The following HSD17B8 variants were observed in gnomAD, a reference collection of about 807,000 sequenced individuals.
The protein encoded by HSD17B8 is (3R)-3-hydroxyacyl-CoA dehydrogenase.
Under a neutral mutation model 33.2 loss-of-function variants are expected in HSD17B8, and 23 were observed. That is an observed-to-expected ratio of 0.69 (90% CI 0.50 to 0.98). The LOEUF is 0.98. Ranked by LOEUF, HSD17B8 falls within the 50% of genes least tolerant of loss-of-function variation. The probability of loss-of-function intolerance (pLI) is 0.00; values close to 1 mark genes in which losing one functional copy is unlikely to be tolerated. For synonymous variants in HSD17B8, 137 were observed against 138.6 expected (o/e 0.99, Z 0.08); for missense variants, 345 against 347.5 (o/e 0.99, Z 0.06).
Position 33,206,508 on chromosome 6 carries a change from A to G in HSD17B8, c.769+59A>G. ...GAAGTAGAACCCAGACTATATGAGA[A>G]AGCAAGTAAGGGGAGTCTGGAGCCA... On this transcript the variant is annotated intron_variant, in intron 8 of 8. Coordinates refer to ENST00000374662, the MANE Select transcript of HSD17B8 (RefSeq NM_014234.5). This position sits in a 1 kb window ranked among gnomAD's most constrained non-coding sequence, Gnocchi z 6.2. The G allele has an allele frequency of 6.4e-7, 1 of 1,570,318 alleles. No individual in the cohort carries two copies. The highest frequency in any genetic ancestry group is 8.8e-7 in the Non-Finnish European group (1 of 1,140,378).
rs772071122 is a variant in HSD17B8, at chr6:33,204,690, C to T, written c.22C>T (p.Arg8Ter). The T allele has an allele frequency of 1.9e-6, 3 of 1,613,030 alleles. No homozygotes were observed. Among genetic ancestry groups the T allele is most frequent in the Non-Finnish European group, 2.5e-6 (3 of 1,180,030 alleles). ...CGCCATGGCGTCTCAGCTCCAGAACCGACTCCGCTCCGCACTGGCCTTGGT... is the reference window on the plus strand; with the variant it reads ...CGCCATGGCGTCTCAGCTCCAGAACTGACTCCGCTCCGCACTGGCCTTGGT... MASQLQNRLRSALALVTG... is the reference protein window; with the variant it reads MASQLQN The change falls in exon 1 of 9, where the codon CGA becomes TGA. Residue 8 changes from arginine (R) to a stop codon, truncating the protein, a stop_gained. Transcript: ENST00000374662. LOFTEE classifies it high-confidence loss of function.
rs1726176600 is a variant in HSD17B8, at chr6:33,206,625, C to T, written c.770-13C>T. On this transcript the variant is annotated splice_polypyrimidine_tract_variant and intron_variant, in intron 8 of 8. Transcript: ENST00000374662. The surrounding 1 kb of genome is among the most constrained non-coding windows in gnomAD (Gnocchi z 6.2). ...CACCCATGCATCTGTCCAAATGTTT[C>T]TGCCCCTCCCAGGAGGTCTTTTCAT... 1 of 1,613,896 alleles carries T rather than the reference C, an allele frequency of 6.2e-7. No homozygotes were observed. The highest frequency in any genetic ancestry group is 8.5e-7 in the Non-Finnish European group (1 of 1,179,814).
rs1428383132 is a variant in HSD17B8, at chr6:33,205,874, C to A, written c.613C>A (p.Pro205Thr). 3.7e-6 allele frequency: 6 copies of A among 1,612,810 alleles called. No individual in the cohort carries two copies. Among genetic ancestry groups the A allele is most frequent in the African/African-American group, 1.3e-5 (1 of 74,894 alleles). Residue 205 changes from proline (P) to threonine (T), a missense_variant, in exon 6 of 9, where the codon CCC (proline) becomes ACC (threonine). Transcript: ENST00000374662. The surrounding 1 kb of genome is among the most constrained non-coding windows in gnomAD (Gnocchi z 5.0). ...TGTCCTCCCAGGGTTCATTGCAACA[C>A]CCATGACACAGAAAGTGCCACAGAA... ...NSVLPGFIAT[P>T]MTQKVPQKVV...
chr6:33,204,764 A>C, intron 1 of HSD17B8, 44 bp downstream of exon 1: 1 of 1,610,168 alleles, frequency 6.2e-7, no homozygotes, highest in South Asian at 1.1e-5. Flanking sequence ...TATTGGAGTG[A>C]GGTCAGGGGC....
In HSD17B8 at chr6:33,204,850, TCCCTGCCCTCTCCTCC is replaced by T. The variant is rs971923248; in HGVS notation, c.53-49_53-34del. On this transcript the variant is annotated intron_variant, in intron 1 of 8. Coordinates refer to ENST00000374662, the MANE Select transcript of HSD17B8 (RefSeq NM_014234.5). The stretch of plus-strand genomic sequence containing the variant: ...TTACTTTCTGCCCTGTGACCTCTGA[TCCCTGCCCTCTCCTCC>T]CCGTGCCCGGTCCGGCGTGTTCTGT... The T allele has an allele frequency of 2.8e-4, 419 of 1,506,036 alleles. 2 individuals carry two copies. In the Middle Eastern group the frequency reaches 0.011, roughly 40 times the overall value. The allele number at this position is 1,506,036 out of a possible 1,614,324, so 93.3% of individuals were successfully genotyped here. A position where few individuals can be genotyped will look rare whatever the true frequency, so the allele number is the denominator to read the frequency against.
chr6:33,205,046 G>A lies in HSD17B8; in HGVS notation c.197G>A (p.Arg66Gln), dbSNP rs753364027. The A allele has an allele frequency of 1.3e-6, 2 of 1,552,056 alleles. No individual in the cohort carries two copies. The highest frequency in any genetic ancestry group is 4.5e-5 in the East Asian group (2 of 44,252). Residue 66 changes from arginine (R) to glutamine (Q), a missense_variant, in exon 2 of 9, where the codon CGA (arginine) becomes CAA (glutamine). Transcript: ENST00000374662. The surrounding 1 kb of genome is among the most constrained non-coding windows in gnomAD (Gnocchi z 5.0). ...CCAGGGAGCAAGGAGGGGCCGCCCC[G>A]AGGGAACCATGCTGCCTTCCAGGCT... Reference protein sequence around the residue: ...GGPGSKEGPPRGNHAAFQADV... With the variant: ...GGPGSKEGPPQGNHAAFQADV...
chr6:33,205,211 C>A lies in HSD17B8; in HGVS notation c.271-10C>A, dbSNP rs756238441. 7.4e-6 allele frequency: 12 copies of A among 1,612,450 alleles called. No homozygotes were observed. The highest frequency in any genetic ancestry group is 1.0e-5 in the Non-Finnish European group (12 of 1,179,356). On this transcript the variant is annotated splice_polypyrimidine_tract_variant and intron_variant, in intron 2 of 8. Transcript: ENST00000374662. The surrounding 1 kb of genome is among the most constrained non-coding windows in gnomAD (Gnocchi z 5.0). ...GGGGGTTTTTGATGCGTAACCTCCC[C>A]CTCCCATAGGCCTGCTTTTCTCGCC... is the stretch of plus-strand genomic sequence containing the variant.
At position 33,206,687 on chromosome 6, in the gene HSD17B8, C is replaced by G. The variant is rs770794469; in HGVS notation, c.*33C>G. ...AAGGACCCTGGACTCTGCTCACCCC[C>G]CCACCACTCTGCCTGGCCTCCTGCT... On this transcript the variant is annotated 3_prime_UTR_variant, in exon 9 of 9. Coordinates refer to ENST00000374662, the MANE Select transcript of HSD17B8 (RefSeq NM_014234.5). This position sits in a 1 kb window ranked among gnomAD's most constrained non-coding sequence, Gnocchi z 6.2. The G allele has an allele frequency of 8.7e-6, 14 of 1,610,884 alleles. No individual in the cohort carries two copies. Among genetic ancestry groups the G allele is most frequent in the East Asian group, 2.2e-5 (1 of 44,872 alleles).
At position 33,205,273 on chromosome 6, in the gene HSD17B8, A is replaced by C. The variant is rs1305744782; in HGVS notation, c.323A>C (p.Gln108Pro). The C allele has an allele frequency of 1.2e-6, 2 of 1,613,272 alleles. No individual in the cohort carries two copies. The highest frequency in any genetic ancestry group is 2.7e-5 in the African/African-American group (2 of 74,924). The stretch of plus-strand genomic sequence containing the variant: ...GTTGTGTCCTGTGCGGGCATCACCC[A>C]GGATGAGTTTCTGCTGCACATGTCT... Reference protein sequence around the residue: ...SVVVSCAGITQDEFLLHMSED... With the variant: ...SVVVSCAGITPDEFLLHMSED... The change falls in exon 3 of 9, where the codon CAG (glutamine) becomes CCG (proline). Residue 108 changes from glutamine to proline, a missense_variant. Transcript: ENST00000374662. This position sits in a 1 kb window ranked among gnomAD's most constrained non-coding sequence, Gnocchi z 5.0.
chr6:33,206,115 CAT>C lies in HSD17B8; in HGVS notation c.652-18_652-17del. The C allele has an allele frequency of 1.9e-6, 3 of 1,610,846 alleles. No individual in the cohort carries two copies. The highest frequency in any genetic ancestry group is 2.5e-6 in the Non-Finnish European group (3 of 1,178,954). On this transcript the variant is annotated splice_polypyrimidine_tract_variant and intron_variant, in intron 6 of 8. Transcript: ENST00000374662. This position sits in a 1 kb window ranked among gnomAD's most constrained non-coding sequence, Gnocchi z 6.2. The stretch of plus-strand genomic sequence containing the variant: ...AATCCATAAAAGAAGCTTTCACCCA[CAT>C]GAGTATTTCCTTACAGATTACTGAA...
At chr6:33,204,857 C>T in intron 1 of HSD17B8, 45 bp from the exon 2 acceptor site, 2 of 1,495,762 alleles carry the variant, frequency 1.3e-6, no homozygotes, top group South Asian at 1.3e-5. Context: ...TGATCCCTGC[C>T]CTCTCCTCCC....
In HSD17B8 at chr6:33,204,726, G is replaced by A; in HGVS notation, c.52+6G>A. The A allele has an allele frequency of 1.2e-6, 2 of 1,613,004 alleles. No homozygotes were observed. The highest frequency in any genetic ancestry group is 1.7e-5 in the Admixed American group (1 of 60,028). On this transcript the variant is annotated splice_donor_region_variant and intron_variant, in intron 1 of 8. Transcript: ENST00000374662. ...CGCACTGGCCTTGGTCACAGGTTGA[G>A]GGGGTTCTTTCCCCGGGCGGTTTGG...
In HSD17B8 at chr6:33,205,567, A is replaced by C. The variant is rs763008180; in HGVS notation, c.480+28A>C. 1.2e-6 allele frequency: 2 copies of C among 1,611,966 alleles called. No homozygotes were observed. Among genetic ancestry groups the C allele is most frequent in the Non-Finnish European group, 8.5e-7 (1 of 1,179,130 alleles). On this transcript the variant is annotated intron_variant, in intron 4 of 8. Transcript: ENST00000374662. The surrounding 1 kb of genome is among the most constrained non-coding windows in gnomAD (Gnocchi z 5.0). The stretch of plus-strand genomic sequence containing the variant: ...CAGGTTGAGTTGGACGAGGTCAGCC[A>C]GCCAAGTGGTATAGAGAGGAGAACC...
Position 33,205,332 on chromosome 6 carries a change from C to A in HSD17B8, c.382C>A (p.Leu128Ile). ...DDWDKVIAVN[L>I]KGTFLVTQAA... ...CTGGGACAAAGTCATAGCTGTCAAC[C>A]TCAAGGTGGCGATCTCTGAACCTGC... The change falls in exon 3 of 9, where the codon CTC (leucine) becomes ATC (isoleucine). Residue 128 changes from leucine to isoleucine, a missense_variant. Coordinates refer to ENST00000374662, the MANE Select transcript of HSD17B8 (RefSeq NM_014234.5). The surrounding 1 kb of genome is among the most constrained non-coding windows in gnomAD (Gnocchi z 5.0). 1 of 1,612,976 alleles carries A rather than the reference C, an allele frequency of 6.2e-7. No individual in the cohort carries two copies. Among genetic ancestry groups the A allele is most frequent in the Non-Finnish European group, 8.5e-7 (1 of 1,179,546 alleles).
chr6:33,206,270 T>C lies in HSD17B8; in HGVS notation c.694+94T>C. On this transcript the variant is annotated intron_variant, in intron 7 of 8. Transcript: ENST00000374662. The surrounding 1 kb of genome is among the most constrained non-coding windows in gnomAD (Gnocchi z 6.2). ...TTTTCTAGGGGACTGGTGGTTGGTG[T>C]CTGTGGAGAGGTTTGTGGGGAGGGA... 6.4e-7 allele frequency: 1 copy of C among 1,554,834 alleles called. No individual in the cohort carries two copies. Among genetic ancestry groups the C allele is most frequent in the African/African-American group, 1.4e-5 (1 of 73,678 alleles).
chr6:33,205,168 C>G lies in HSD17B8; in HGVS notation c.270+49C>G, dbSNP rs776370953. 1 of 1,606,236 alleles carries G rather than the reference C, an allele frequency of 6.2e-7. No individual in the cohort carries two copies. Among genetic ancestry groups the G allele is most frequent in the African/African-American group, 1.3e-5 (1 of 74,842 alleles). The stretch of plus-strand genomic sequence containing the variant: ...CTCTAAAGCTCTGATATTGCCTCCA[C>G]TGCCCCGGCTTTTTGTGGGGGGTTT... On this transcript the variant is annotated intron_variant, in intron 2 of 8. Coordinates refer to ENST00000374662, the MANE Select transcript of HSD17B8 (RefSeq NM_014234.5). This position sits in a 1 kb window ranked among gnomAD's most constrained non-coding sequence, Gnocchi z 5.0.
rs779846598 is a variant in HSD17B8 at position 33,205,943 on chromosome 6, T to C, written c.651+31T>C. On this transcript the variant is annotated intron_variant, in intron 6 of 8. Transcript: ENST00000374662. The surrounding 1 kb of genome is among the most constrained non-coding windows in gnomAD (Gnocchi z 5.0). The stretch of plus-strand genomic sequence containing the variant: ...AGGCTGTGGGTGGAGGGCAGAATCA[T>C]TCAGAGACTCAATCTCTCTGGGCTT... 1 of 1,539,598 alleles carries C rather than the reference T, an allele frequency of 6.5e-7. No homozygotes were observed. Among genetic ancestry groups the C allele is most frequent in the Admixed American group, 1.7e-5 (1 of 59,564 alleles).
rs1422610381 is a variant in HSD17B8, at chr6:33,205,066, C to T, written c.217C>T (p.Gln73Ter). 6.4e-7 allele frequency: 1 copy of T among 1,562,532 alleles called. No homozygotes were observed. Among genetic ancestry groups the T allele is most frequent in the Admixed American group, 1.9e-5 (1 of 53,164 alleles). The change falls in exon 2 of 9, where the codon CAG becomes TAG. Residue 73 changes from glutamine to a stop codon, truncating the protein, a stop_gained. Transcript: ENST00000374662. LOFTEE classifies it high-confidence loss of function. The surrounding 1 kb of genome is among the most constrained non-coding windows in gnomAD (Gnocchi z 5.0). ...GCCCCGAGGGAACCATGCTGCCTTC[C>T]AGGCTGACGTGTCTGAGGCCAGGGC... ...GPPRGNHAAF[Q>*]ADVSEARAAR...
chr6:33,205,965 G>A lies in HSD17B8; in HGVS notation c.651+53G>A. 1.5e-6 allele frequency: 2 copies of A among 1,357,360 alleles called. No individual in the cohort carries two copies. Among genetic ancestry groups the A allele is most frequent in the Non-Finnish European group, 1.0e-6 (1 of 966,252 alleles). 84.1% of individuals were successfully genotyped at this position (1,357,360 alleles called of 1,614,324 possible). ...TCATTCAGAGACTCAATCTCTCTGG[G>A]CTTCACAGAGAGAGAGAGAGAGAGA... is the stretch of plus-strand genomic sequence containing the variant. On this transcript the variant is annotated intron_variant, in intron 6 of 8. Transcript: ENST00000374662. This position sits in a 1 kb window ranked among gnomAD's most constrained non-coding sequence, Gnocchi z 5.0.
Sources: allele counts gnomAD v4.1 joint callset, GRCh38; gene constraint gnomAD v4.1.1; non-coding constraint Gnocchi (gnomAD v3.1); transcripts MANE v1.5; gene names NCBI Gene and HGNC (gene_info 2026-07-23, HGNC 2026-07-21).